Variants in PKDREJ observed in about 807,000 individuals in gnomAD.
PKDREJ encodes PKD and REJ homolog.
For synonymous variants in PKDREJ, 1,031 were observed against 1,095.5 expected (o/e 0.94, Z 1.16); for missense variants, 2,507 against 2,807.2 (o/e 0.89, Z 2.42).
rs753791308 is a variant in PKDREJ, at chr22:46,257,405, A to G, written c.5918T>C (p.Ile1973Thr). ...ATCAACAACGTAGGCTAAGAAAAAA[A>G]TGAGAATGGCCACATACAAGTAGAT... Reference protein sequence around the residue: ...AEIYLYVAILIFFLAYVVDEG... With the variant: ...AEIYLYVAILTFFLAYVVDEG... The change falls in exon 1 of 1, where the codon ATT becomes ACT. Residue 1973 changes from isoleucine to threonine, a missense_variant. Ile to Thr is a moderately conservative substitution (Grantham distance 89). Coordinates refer to ENST00000253255, the MANE Select transcript of PKDREJ (RefSeq NM_006071.2). This position sits in a 1 kb window ranked among gnomAD's most constrained non-coding sequence, Gnocchi z 4.7. 8 of 1,614,070 alleles carry G rather than the reference A, an allele frequency of 5.0e-6. No individual in the cohort carries two copies. Among genetic ancestry groups the G allele is most frequent in the Non-Finnish European group, 6.8e-6 (8 of 1,180,022 alleles).
chr22:46,261,134 C>T lies in PKDREJ; in HGVS notation c.2189G>A (p.Arg730Lys), dbSNP rs1038321297. The change falls in exon 1 of 1, where the codon AGA becomes AAA. Residue 730 changes from arginine to lysine, a missense_variant. By Grantham distance (26) the Arg-to-Lys change is conservative. Transcript: ENST00000253255. This position sits in a 1 kb window ranked among gnomAD's most constrained non-coding sequence, Gnocchi z 7.1. Reference protein sequence around the residue: ...MKTELPLRDDRVNLRKHLIDQ... With the variant: ...MKTELPLRDDKVNLRKHLIDQ... ...GATGAGGTGTTTTCGGAGATTGACT[C>T]TGTCATCTCGGAGAGGTAATTCAGT... 1 of 1,613,854 alleles carries T rather than the reference C, an allele frequency of 6.2e-7. No homozygotes were observed. Among genetic ancestry groups the T allele is most frequent in the Non-Finnish European group, 8.5e-7 (1 of 1,179,748 alleles).
Position 46,259,155 on chromosome 22 carries a change from A to G in PKDREJ, c.4168T>C (p.Leu1390=), listed in dbSNP as rs2147774724. The stretch of plus-strand genomic sequence containing the variant: ...AGCAACATTGCTAAACAACAGGACA[A>G]TCTCTGGAGCCTATTGAATGTTTTA... ...VAKTFNRLQR[L]SCCLAMLLSS... The change falls in exon 1 of 1, where the codon TTG becomes CTG. Residue 1390 remains leucine, a synonymous_variant. Transcript: ENST00000253255. This position sits in a 1 kb window ranked among gnomAD's most constrained non-coding sequence, Gnocchi z 6.8. The G allele has an allele frequency of 6.2e-7, 1 of 1,614,142 alleles. No homozygotes were observed. The highest frequency in any genetic ancestry group is 1.1e-5 in the South Asian group (1 of 91,070).
chr22:46,259,720 A>T lies in PKDREJ; in HGVS notation c.3603T>A (p.Ala1201=). ...TTTCATCCCTGTATAAAGCCCAAAAAGCTAGGCCCACGTATAAGAGAATAA... is the reference window on the plus strand; with the variant it reads ...TTTCATCCCTGTATAAAGCCCAAAATGCTAGGCCCACGTATAAGAGAATAA... ...LFIILLYVGL[A]FWALYRDEMD... Residue 1201 remains alanine (A), a synonymous_variant, in exon 1 of 1, where the codon GCT becomes GCA. Transcript: ENST00000253255. This position sits in a 1 kb window ranked among gnomAD's most constrained non-coding sequence, Gnocchi z 6.8. 6.2e-7 allele frequency: 1 copy of T among 1,614,232 alleles called. No homozygotes were observed. Among genetic ancestry groups the T allele is most frequent in the African/African-American group, 1.3e-5 (1 of 75,062 alleles).
Position 46,261,367 on chromosome 22 carries a change from A to G in PKDREJ, c.1956T>C (p.Tyr652=). ...CCTGAGAAAAAGCTCCTAGAGAATC[A>G]TAGACCTGGGCATATATCTTCAAGC... The part of the protein sequence containing the change: ...QYGLKIYAQV[Y]DSLGAFSQVT... The change falls in exon 1 of 1, where the codon TAT becomes TAC. Residue 652 remains tyrosine, a synonymous_variant. Transcript: ENST00000253255. This position sits in a 1 kb window ranked among gnomAD's most constrained non-coding sequence, Gnocchi z 7.1. 6.2e-7 allele frequency: 1 copy of G among 1,613,912 alleles called. No individual in the cohort carries two copies.
At position 46,257,818 on chromosome 22, in the gene PKDREJ, T is replaced by C. The variant is rs143695558; in HGVS notation, c.5505A>G (p.Lys1835=). 15 of 1,614,094 alleles carry C rather than the reference T, an allele frequency of 9.3e-6. No homozygotes were observed. In the African/African-American group the frequency reaches 1.6e-4, roughly 17 times the overall value. The change falls in exon 1 of 1, where the codon AAA becomes AAG. Residue 1835 remains lysine, a synonymous_variant. Coordinates refer to ENST00000253255, the MANE Select transcript of PKDREJ (RefSeq NM_006071.2). The surrounding 1 kb of genome is among the most constrained non-coding windows in gnomAD (Gnocchi z 4.7). ...PKYGIDPEDT[K]NYSGFWNEVD... ...CTTCATTCCAAAAGCCAGAATAGTT[T>C]TTTGTGTCTTCTGGGTCAATGCCAT...
Position 46,263,251 on chromosome 22 carries a change from C to A in PKDREJ, c.72G>T (p.Pro24=). ...LSLSVGRLPL[P]PVPRGAQAAV... ...CGGCTTGTGCCCCGCGAGGAACCGGCGGCAGCGGGAGGCGGCCGACGCTCA... is the reference window on the plus strand; with the variant it reads ...CGGCTTGTGCCCCGCGAGGAACCGGAGGCAGCGGGAGGCGGCCGACGCTCA... Residue 24 remains proline, a synonymous_variant, in exon 1 of 1, where the codon CCG becomes CCT. Transcript: ENST00000253255. This position sits in a 1 kb window ranked among gnomAD's most constrained non-coding sequence, Gnocchi z 9.4. The A allele has an allele frequency of 6.8e-7, 1 of 1,467,528 alleles. No individual in the cohort carries two copies. Among genetic ancestry groups the A allele is most frequent in the Non-Finnish European group, 9.0e-7 (1 of 1,116,996 alleles). 90.9% of individuals were successfully genotyped at this position (1,467,528 alleles called of 1,614,324 possible). A position where few individuals can be genotyped will look rare whatever the true frequency, so the allele number is the denominator to read the frequency against.
Position 46,259,891 on chromosome 22 carries a change from C to T in PKDREJ, c.3432G>A (p.Leu1144=). The change falls in exon 1 of 1, where the codon CTG becomes CTA. Residue 1144 remains leucine, a synonymous_variant. Coordinates refer to ENST00000253255, the MANE Select transcript of PKDREJ (RefSeq NM_006071.2). The surrounding 1 kb of genome is among the most constrained non-coding windows in gnomAD (Gnocchi z 6.8). ...GAATGCCCGTGAGTCCGATTGTGCC[C>T]AGCTGCCGCCTAGCCCTTACTACAT... ...CKNVVRARRQ[L]GTIGLTGIHL... The T allele has an allele frequency of 1.2e-6, 2 of 1,613,618 alleles. No homozygotes were observed. Among genetic ancestry groups the T allele is most frequent in the Non-Finnish European group, 1.7e-6 (2 of 1,180,024 alleles).
chr22:46,257,449 G>C lies in PKDREJ; in HGVS notation c.5874C>G (p.Asp1958Glu), dbSNP rs748062347. Residue 1958 changes from aspartate (D) to glutamate (E), a missense_variant, in exon 1 of 1, where the codon GAC becomes GAG. Physicochemically the swap from Asp to Glu is conservative, Grantham distance 45 (BLOSUM62 2). Coordinates refer to ENST00000253255, the MANE Select transcript of PKDREJ (RefSeq NM_006071.2). The surrounding 1 kb of genome is among the most constrained non-coding windows in gnomAD (Gnocchi z 4.7). ...AGTAGATTTCTGCTGAAGCTTTTCT[G>C]TCAAAATCAGCAAGTGAAAAAGAGT... ...SLHSFSLADF[D>E]RKASAEIYLY... 3.1e-6 allele frequency: 5 copies of C among 1,614,018 alleles called. No individual in the cohort carries two copies. Among genetic ancestry groups the C allele is most frequent in the East Asian group, 2.2e-5 (1 of 44,882 alleles).
chr22:46,263,040 C>T lies in PKDREJ; in HGVS notation c.283G>A (p.Val95Ile). 4 of 1,328,162 alleles carry T rather than the reference C, an allele frequency of 3.0e-6. No individual in the cohort carries two copies. The highest frequency in any genetic ancestry group is 3.9e-6 in the Non-Finnish European group (4 of 1,028,884). 82.3% of individuals were successfully genotyped at this position (1,328,162 alleles called of 1,614,324 possible). A position where few individuals can be genotyped will look rare whatever the true frequency, so the allele number is the denominator to read the frequency against. Residue 95 changes from valine to isoleucine, a missense_variant, in exon 1 of 1, where the codon GTC becomes ATC. Physicochemically the swap from Val to Ile is conservative, Grantham distance 29. Transcript: ENST00000253255. This position sits in a 1 kb window ranked among gnomAD's most constrained non-coding sequence, Gnocchi z 9.4. ...GGCAGGCGTTGGGCGCTGAGCAGGA[C>T]GCGCAAGTCGAGGCAGTACCAGCGC... is the stretch of plus-strand genomic sequence containing the variant. ...GRRWYCLDLR[V>I]LLSAQRLPWP...
At position 46,259,159 on chromosome 22, in the gene PKDREJ, CTG is replaced by C. The variant is rs764642798; in HGVS notation, c.4162_4163del (p.Gln1388GlufsTer11). 21 of 1,613,976 alleles carry C rather than the reference CTG, an allele frequency of 1.3e-5. No homozygotes were observed. The highest frequency in any genetic ancestry group is 1.6e-4 in the Middle Eastern group (1 of 6,084). ...SVVAKTFNRL[Q>X]RLSCCLAMLL... ...ACATTGCTAAACAACAGGACAATCTCTGGAGCCTATTGAATGTTTTAGCAACA... is the reference window on the plus strand; with the variant it reads ...ACATTGCTAAACAACAGGACAATCTCGAGCCTATTGAATGTTTTAGCAACA... On this transcript the variant is annotated frameshift_variant, in exon 1 of 1. Coordinates refer to ENST00000253255, the MANE Select transcript of PKDREJ (RefSeq NM_006071.2). LOFTEE classifies it low-confidence loss of function (END_TRUNC). This position sits in a 1 kb window ranked among gnomAD's most constrained non-coding sequence, Gnocchi z 6.8.
Position 46,257,809 on chromosome 22 carries a change from A to G in PKDREJ, c.5514T>C (p.Ser1838=). ...GCTTATCAACTTCATTCCAAAAGCCAGAATAGTTTTTTGTGTCTTCTGGGT... is the reference window on the plus strand; with the variant it reads ...GCTTATCAACTTCATTCCAAAAGCCGGAATAGTTTTTTGTGTCTTCTGGGT... ...GIDPEDTKNY[S]GFWNEVDKQA... is the part of the protein sequence containing the mutation. The change falls in exon 1 of 1, where the codon TCT becomes TCC. Residue 1838 remains serine, a synonymous_variant. Transcript: ENST00000253255. The surrounding 1 kb of genome is among the most constrained non-coding windows in gnomAD (Gnocchi z 4.7). 4 of 1,614,216 alleles carry G rather than the reference A, an allele frequency of 2.5e-6. No homozygotes were observed. The highest frequency in any genetic ancestry group is 3.4e-6 in the Non-Finnish European group (4 of 1,180,034).
Position 46,259,790 on chromosome 22 carries a change from TTGA to T in PKDREJ, c.3530_3532del (p.Ile1177del). 6.2e-7 allele frequency: 1 copy of T among 1,614,110 alleles called. No homozygotes were observed. Among genetic ancestry groups the T allele is most frequent in the Non-Finnish European group, 8.5e-7 (1 of 1,180,032 alleles). ...GGTCACGGGGTTTTGGTGAAGGCTC[TTGA>T]TGATGTTTAACCGTAGATCCACAGG... On this transcript the variant is annotated inframe_deletion, in exon 1 of 1. Coordinates refer to ENST00000253255, the MANE Select transcript of PKDREJ (RefSeq NM_006071.2). The surrounding 1 kb of genome is among the most constrained non-coding windows in gnomAD (Gnocchi z 6.8).
In PKDREJ at chr22:46,262,912, C is replaced by G; in HGVS notation, c.411G>C (p.Gly137=). Residue 137 remains glycine (G), a synonymous_variant, in exon 1 of 1, where the codon GGG becomes GGC. Transcript: ENST00000253255. This position sits in a 1 kb window ranked among gnomAD's most constrained non-coding sequence, Gnocchi z 8.1. ...TWSVRLPRSP[G]RLAWAFRLRL... Reference sequence around the variant, plus strand: ...GCAGGCGGAAGGCCCAGGCCAGGCGCCCGGGCGAGCGCGGCAGCCGCACGG... The same window carrying G: ...GCAGGCGGAAGGCCCAGGCCAGGCGGCCGGGCGAGCGCGGCAGCCGCACGG... The G allele has an allele frequency of 9.3e-7, 1 of 1,070,330 alleles. No individual in the cohort carries two copies. Among genetic ancestry groups the G allele is most frequent in the Non-Finnish European group, 1.1e-6 (1 of 886,394 alleles). 66.3% of individuals were successfully genotyped at this position (1,070,330 alleles called of 1,614,324 possible). A position where few individuals can be genotyped will look rare whatever the true frequency, so the allele number is the denominator to read the frequency against.
At position 46,260,069 on chromosome 22, in the gene PKDREJ, CGAGGTGCCTGCAGAACTATG is replaced by C; in HGVS notation, c.3234_3253del (p.Ile1079PhefsTer7). 2.5e-6 allele frequency: 4 copies of C among 1,614,104 alleles called. No individual in the cohort carries two copies. Among genetic ancestry groups the C allele is most frequent in the Non-Finnish European group, 3.4e-6 (4 of 1,180,010 alleles). On this transcript the variant is annotated frameshift_variant, in exon 1 of 1. Transcript: ENST00000253255. LOFTEE classifies it low-confidence loss of function (END_TRUNC). The surrounding 1 kb of genome is among the most constrained non-coding windows in gnomAD (Gnocchi z 4.5). ...CTTGTCATTGAGCTTCATGACAAAA[CGAGGTGCCTGCAGAACTATG>C]GATACAGTACAGTGGGGAGAGTGGC... is the stretch of plus-strand genomic sequence containing the variant.
chr22:46,257,580 C>T lies in PKDREJ; in HGVS notation c.5743G>A (p.Val1915Ile), dbSNP rs1275972291. The change falls in exon 1 of 1, where the codon GTT becomes ATT. Residue 1915 changes from valine (V) to isoleucine (I), a missense_variant. Val to Ile is a conservative substitution (Grantham distance 29, BLOSUM62 3). Transcript: ENST00000253255. This position sits in a 1 kb window ranked among gnomAD's most constrained non-coding sequence, Gnocchi z 4.7. Reference protein sequence around the residue: ...NWLDEKTWAVVLELTTFNPDI... With the variant: ...NWLDEKTWAVILELTTFNPDI... ...GGATTAAAAGTTGTTAATTCCAAAA[C>T]CACAGCCCATGTCTTCTCATCCAGC... 2 of 1,614,020 alleles carry T rather than the reference C, an allele frequency of 1.2e-6. No individual in the cohort carries two copies. Among genetic ancestry groups the T allele is most frequent in the African/African-American group, 1.3e-5 (1 of 74,920 alleles).
rs757645206 is a variant in PKDREJ, at chr22:46,258,059, G to C, written c.5264C>G (p.Thr1755Ser). 6.2e-7 allele frequency: 1 copy of C among 1,614,076 alleles called. No homozygotes were observed. Among genetic ancestry groups the C allele is most frequent in the Non-Finnish European group, 8.5e-7 (1 of 1,180,020 alleles). The part of the protein sequence containing the change: ...DRFSMDLATV[T>S]KLEDIYRWLN... ...CCATCTATAGATGTCTTCCAGCTTA[G>C]TCACAGTAGCAAGATCCATAGAGAA... Residue 1755 changes from threonine (T) to serine (S), a missense_variant, in exon 1 of 1, where the codon ACT (threonine) becomes AGT (serine). Coordinates refer to ENST00000253255, the MANE Select transcript of PKDREJ (RefSeq NM_006071.2). This position sits in a 1 kb window ranked among gnomAD's most constrained non-coding sequence, Gnocchi z 6.1.
chr22:46,259,646 G>A lies in PKDREJ; in HGVS notation c.3677C>T (p.Pro1226Leu), dbSNP rs769346264. Residue 1226 changes from proline (P) to leucine (L), a missense_variant, in exon 1 of 1, where the codon CCT becomes CTT. By Grantham distance (98) the Pro-to-Leu change is moderately conservative. Transcript: ENST00000253255. This position sits in a 1 kb window ranked among gnomAD's most constrained non-coding sequence, Gnocchi z 6.8. ...GHVIVLPDND[P>L]YDNLCYLVTI... ...CACCAAGTAGCATAAATTATCATAA[G>A]GATCATTATCTGGTAGAACTATCAC... 1.7e-5 allele frequency: 27 copies of A among 1,614,006 alleles called. No individual in the cohort carries two copies. The highest frequency in any genetic ancestry group is 2.3e-5 in the Non-Finnish European group (27 of 1,180,036).
chr22:46,259,841 G>A lies in PKDREJ; in HGVS notation c.3482C>T (p.Ala1161Val). Reference sequence around the variant, plus strand: ...AGGATTAGGGATCACAATCACCTTGGCCATCACATAGTGGGTATGCAGGTG... The same window carrying A: ...AGGATTAGGGATCACAATCACCTTGACCATCACATAGTGGGTATGCAGGTG... ...GIHLHTHYVM[A>V]KVIVIPNPVD... Residue 1161 changes from alanine (A) to valine (V), a missense_variant, in exon 1 of 1, where the codon GCC (alanine) becomes GTC (valine). Ala to Val is a moderately conservative substitution (Grantham distance 64, BLOSUM62 0). Transcript: ENST00000253255. This position sits in a 1 kb window ranked among gnomAD's most constrained non-coding sequence, Gnocchi z 6.8. The A allele has an allele frequency of 6.2e-7, 1 of 1,613,464 alleles. No individual in the cohort carries two copies. The highest frequency in any genetic ancestry group is 1.1e-5 in the South Asian group (1 of 91,068).
In PKDREJ at chr22:46,258,883, G is replaced by A; in HGVS notation, c.4440C>T (p.Tyr1480=). 6.2e-7 allele frequency: 1 copy of A among 1,614,148 alleles called. No homozygotes were observed. Among genetic ancestry groups the A allele is most frequent in the Middle Eastern group, 1.6e-4 (1 of 6,062 alleles). ...TTTCGTAAGCATGCCACTTTCTCAA[G>A]TATTCTTCCCAGTGCTCACTTGCTT... ...MSEASEHWEE[Y]LRKWHAYETA... The change falls in exon 1 of 1, where the codon TAC becomes TAT. Residue 1480 remains tyrosine (Y), a synonymous_variant. Coordinates refer to ENST00000253255, the MANE Select transcript of PKDREJ (RefSeq NM_006071.2). This position sits in a 1 kb window ranked among gnomAD's most constrained non-coding sequence, Gnocchi z 6.1.
Sources: gnomAD v4.1 joint callset for allele counts on GRCh38, gnomAD v4.1.1 for gene constraint, Gnocchi (gnomAD v3.1) non-coding constraint, MANE v1.5 for transcripts, NCBI Gene and HGNC (gene_info 2026-07-23, HGNC 2026-07-21) for gene names.